Variants in SYCE1 observed in about 807,000 individuals in gnomAD.
SYCE1 encodes synaptonemal complex central element protein 1.
In SYCE1, 37 loss-of-function variants were observed where a neutral mutation model predicts 55.1. The observed-to-expected ratio is 0.67, with a 90% CI of 0.52 to 0.88. The LOEUF (loss-of-function observed/expected upper bound fraction) is 0.88. Ranked by LOEUF, SYCE1 falls within the 40% of genes least tolerant of loss-of-function variation. The pLI is 0.00. For synonymous variants in SYCE1, 163 were observed against 159.4 expected (o/e 1.02, Z -0.17); for missense variants, 399 against 416.4 (o/e 0.96, Z 0.36).
chr10:133,559,570 T>C, intron 2 of SYCE1: 1 of 566,792 alleles, frequency 1.8e-6, no homozygotes, highest in East Asian at 3.0e-5. Flanking sequence ...GGTAACCGTG[T>C]TCAAGAGAAA....
In SYCE1 at chr10:133,565,576, T is replaced by C. The variant is rs763617168; in HGVS notation, c.-47A>G. 6.7e-5 allele frequency: 103 copies of C among 1,535,120 alleles called. No homozygotes were observed. Among genetic ancestry groups the C allele is most frequent in the Non-Finnish European group, 8.6e-5 (98 of 1,138,426 alleles). ...GGGTGCCTCGGGAGGGAGCCTCCAGTGGTGATTGGAGCAACCGCCGCTGGG... is the reference window on the plus strand; with the variant it reads ...GGGTGCCTCGGGAGGGAGCCTCCAGCGGTGATTGGAGCAACCGCCGCTGGG... On this transcript the variant is annotated 5_prime_UTR_variant, in exon 1 of 13. Transcript: ENST00000343131.
chr10:133,563,106 A>G (rs1851852221), intron 1 of SYCE1, among the ~76,000 whole-genome samples: 1 of 152,266 alleles, frequency 6.6e-6, no homozygotes, highest in African/African-American at 2.4e-5. Context: ...TTTACCAATC[A>G]CCTATGTTTC....
chr10:133,553,935 T>TC (rs1337339414), downstream of SYCE1: 1 of 183,488 alleles, frequency 5.4e-6, no homozygotes, highest in Non-Finnish European at 1.1e-5. Flanking sequence ...TCTTTTTTTT[T>TC]CACATGAATA....
chr10:133,554,200 C>T, downstream of SYCE1: 1 of 1,194,666 alleles, frequency 8.4e-7, no homozygotes. Context: ...TCTTAGAGAA[C>T]TCGTCTGTCC....
chr10:133,558,908 G>C lies in SYCE1; in HGVS notation c.240C>G (p.Ile80Met). Reference sequence around the variant, plus strand: ...CCAGTTCCTTCTGCAGGGCCTCACAGATGGTCCGGGCCTCTCCTAGGTCTT... The same window carrying C: ...CCAGTTCCTTCTGCAGGGCCTCACACATGGTCCGGGCCTCTCCTAGGTCTT... Reference protein sequence around the residue: ...ANKDLGEARTICEALQKELDS... With the variant: ...ANKDLGEARTMCEALQKELDS... Residue 80 changes from isoleucine to methionine, a missense_variant, in exon 4 of 13, where the codon ATC becomes ATG. By Grantham distance (10) the Ile-to-Met change is conservative (BLOSUM62 1). Coordinates refer to ENST00000343131, the MANE Select transcript of SYCE1 (RefSeq NM_001143764.3). 2 of 1,613,118 alleles carry C rather than the reference G, an allele frequency of 1.2e-6. No individual in the cohort carries two copies. The highest frequency in any genetic ancestry group is 1.7e-6 in the Non-Finnish European group (2 of 1,179,816).
chr10:133,560,264 T>C (rs10857753), intron 1 of SYCE1, 111 bp from the exon 2 acceptor site: 93,017 of 851,516 alleles, frequency 0.11, 6,220 homozygotes, highest in East Asian at 0.27. Flanking sequence ...TGCCCCTTCT[T>C]CTTGTCCTGA....
chr10:133,554,188 C>G, downstream of SYCE1: 2 of 1,029,516 alleles, frequency 1.9e-6, no homozygotes, highest in Non-Finnish European at 3.0e-6. Flanking sequence ...TGATTAACTG[C>G]ATCTTAGAGA....
At position 133,557,860 on chromosome 10, in the gene SYCE1, T is replaced by C. The variant is rs781407769; in HGVS notation, c.374+4A>G. ...CAGAGTTAGGCTCAGCTGGAAGCTC[T>C]TACCTGTGTGCCTCACTTTCCTTTT... On this transcript the variant is annotated splice_donor_region_variant and intron_variant, in intron 6 of 12. Coordinates refer to ENST00000343131, the MANE Select transcript of SYCE1 (RefSeq NM_001143764.3). 1 of 1,614,130 alleles carries C rather than the reference T, an allele frequency of 6.2e-7. No homozygotes were observed. The highest frequency in any genetic ancestry group is 8.5e-7 in the Non-Finnish European group (1 of 1,180,016).
upstream of SYCE1, among the ~76,000 whole-genome samples, chr10:133,566,756 A>G (rs937569449): frequency 6.6e-6 from 1 of 150,410 alleles, no homozygotes; most frequent in African/African-American, 2.5e-5. Context: ...GATTAGGGTT[A>G]GGGGTTACAG....
At chr10:133,554,268 G>A (rs1474601285), downstream of SYCE1, 1 of 1,612,248 alleles carries the variant, frequency 6.2e-7, no homozygotes, top group Non-Finnish European at 8.5e-7. Context: ...TGGAAACAGT[G>A]CTCTGCAGTG....
At chr10:133,567,517 T>G (rs1851976168), upstream of SYCE1, among the ~76,000 whole-genome samples, 3 of 152,018 alleles carry the variant, frequency 2.0e-5, no homozygotes, top group African/African-American at 7.3e-5. Flanking sequence ...GGAATGTTCC[T>G]GGGCTGTGAG....
intron 1 of SYCE1, among the ~76,000 whole-genome samples, chr10:133,562,382 G>A (rs1851837435): frequency 6.7e-6 from 1 of 149,196 alleles, no homozygotes; most frequent in Non-Finnish European, 1.5e-5. Flanking sequence ...TTGGGCAAAA[G>A]TTTTTTTTCT....
At chr10:133,566,082 C>A (rs11101843), upstream of SYCE1, among the ~76,000 whole-genome samples, 14,092 of 152,256 alleles carry the variant, frequency 0.093, 831 homozygotes, top group East Asian at 0.25. Flanking sequence ...AGGCCGCGTT[C>A]CCGTGAGCTC....
At chr10:133,558,284 G>C (rs899838776) in intron 4 of SYCE1, 70 bp from the exon 5 acceptor site, 1 of 1,551,168 alleles carries the variant, frequency 6.4e-7, no homozygotes, top group Non-Finnish European at 8.9e-7. Context: ...GCTTGCTCAC[G>C]GTCACATGGG....
Position 133,558,391 on chromosome 10 carries a change from G to A in SYCE1, c.272-177C>T. On this transcript the variant is annotated intron_variant, in intron 4 of 12. Transcript: ENST00000343131. The stretch of plus-strand genomic sequence containing the variant: ...CCACATTCCTTGTAAGCACCAAAGG[G>A]CCTTCACATTTACAGAGGGTGGCTG... 3 of 679,322 alleles carry A rather than the reference G, an allele frequency of 4.4e-6. No homozygotes were observed. The South Asian group carries it at 5.4e-5, about 12-fold the overall frequency. The allele number at this position is 679,322 out of a possible 1,614,324, so 42.1% of individuals were successfully genotyped here.
At chr10:133,565,754 G>T (rs1210327799), upstream of SYCE1, among the ~76,000 whole-genome samples, 1 of 152,258 alleles carries the variant, frequency 6.6e-6, no homozygotes, top group Non-Finnish European at 1.5e-5. Context: ...GGCCACGTGC[G>T]GCCGTCCAGG....
At position 133,565,557 on chromosome 10, in the gene SYCE1, C is replaced by A. The variant is rs1382231211; in HGVS notation, c.-28G>T. On this transcript the variant is annotated 5_prime_UTR_variant, in exon 1 of 13. It adds an upstream start codon to the 5' untranslated region. Coordinates refer to ENST00000343131, the MANE Select transcript of SYCE1 (RefSeq NM_001143764.3). ...CCTCTCAGCTCGCCAGCGAGGGTGCCTCGGGAGGGAGCCTCCAGTGGTGAT... is the reference window on the plus strand; with the variant it reads ...CCTCTCAGCTCGCCAGCGAGGGTGCATCGGGAGGGAGCCTCCAGTGGTGAT... 1.3e-6 allele frequency: 2 copies of A among 1,546,758 alleles called. No individual in the cohort carries two copies.
chr10:133,567,338 C>T (rs991946977), upstream of SYCE1, among the ~76,000 whole-genome samples: 20 of 149,284 alleles, frequency 1.3e-4, no homozygotes, highest in African/African-American at 4.7e-4. Flanking sequence ...GGGTTTAGTG[C>T]TTGAGGTGGG....
Position 133,558,935 on chromosome 10 carries a change from A to G in SYCE1, c.213T>C (p.Asn71=), listed in dbSNP as rs955773209. 2 of 1,611,444 alleles carry G rather than the reference A, an allele frequency of 1.2e-6. No homozygotes were observed. Among genetic ancestry groups the G allele is most frequent in the East Asian group, 4.5e-5 (2 of 44,826 alleles). The change falls in exon 4 of 13, where the codon AAT becomes AAC. Residue 71 remains asparagine, a synonymous_variant. Coordinates refer to ENST00000343131, the MANE Select transcript of SYCE1 (RefSeq NM_001143764.3). ...NEVQQAKKKA[N]KDLGEARTIC... ...TGGTCCGGGCCTCTCCTAGGTCTTTATTGGCTTTCTTTTTTGCTTCACCAA... is the reference window on the plus strand; with the variant it reads ...TGGTCCGGGCCTCTCCTAGGTCTTTGTTGGCTTTCTTTTTTGCTTCACCAA...
Sources: gnomAD v4.1 joint callset for allele counts (sites outside exome capture counted in the v4.1 genomes callset) on GRCh38, gnomAD v4.1.1 for gene constraint, MANE v1.5 for transcripts, NCBI Gene and HGNC (gene_info 2026-07-23, HGNC 2026-07-21) for gene names.